Variants in KDM2A observed in about 807,000 individuals in gnomAD.
The protein encoded by KDM2A is lysine-specific demethylase 2A.
In KDM2A, 3 loss-of-function variants were observed where a neutral mutation model predicts 137.3. The observed-to-expected ratio is 0.02, with a 90% CI of 0.01 to 0.06. The LOEUF is 0.06. KDM2A is among the 10% of genes least tolerant of loss of function. The pLI is 1.00. For synonymous variants in KDM2A, 512 were observed against 541.5 expected, an observed-to-expected ratio of 0.95 and a Z score of 0.76; for missense variants, 738 against 1,510.6, an observed-to-expected ratio of 0.49 and a Z score of 8.48.
chr11:67,225,638 C>T (rs897249058), intron 10 of KDM2A, among the ~76,000 whole-genome samples: 3 of 152,074 alleles, frequency 2.0e-5, no homozygotes, highest in Non-Finnish European at 2.9e-5. Context: ...GGTGTGGTGG[C>T]GCATGCCTGT....
chr11:67,174,783 T>C (rs569433422), intron 2 of KDM2A, among the ~76,000 whole-genome samples: 1 of 152,352 alleles, frequency 6.6e-6, no homozygotes, highest in African/African-American at 2.4e-5. Flanking sequence ...CTAAGTAGAA[T>C]AAAGTAATTT....
chr11:67,135,073 T>C (rs999973447), intron 2 of KDM2A, among the ~76,000 whole-genome samples: 13 of 152,088 alleles, frequency 8.5e-5, no homozygotes, highest in African/African-American at 1.4e-4. Context: ...TTTTCTTTTT[T>C]TTTTTTCCCC....
intron 2 of KDM2A, among the ~76,000 whole-genome samples, chr11:67,162,930 A>G (rs1565383964): frequency 6.6e-6 from 1 of 151,748 alleles, no homozygotes. Context: ...CAAGCAGGTC[A>G]AACTCCTGGC....
chr11:67,204,699 G>A (rs966443652), intron 5 of KDM2A, among the ~76,000 whole-genome samples: 1 of 151,914 alleles, frequency 6.6e-6, no homozygotes, highest in Admixed American at 6.6e-5. Context: ...CACCGTGATA[G>A]CCAGGATGGT....
chr11:67,242,704 T>C (rs940799309), intron 12 of KDM2A, among the ~76,000 whole-genome samples: 1 of 152,148 alleles, frequency 6.6e-6, no homozygotes. Flanking sequence ...TGGGTCTTGC[T>C]GTGTTTCCCA....
At chr11:67,169,763 T>C (rs200176527) in intron 2 of KDM2A, among the ~76,000 whole-genome samples, 13 of 62,142 alleles carry the variant, frequency 2.1e-4, no homozygotes, top group Admixed American at 7.6e-4. Flanking sequence ...CTCTCTCTTT[T>C]TTTTTTTTTT....
At position 67,228,020 on chromosome 11, in the gene KDM2A, A is replaced by G. The variant is rs1340765152; in HGVS notation, c.958-17A>G. 3.1e-6 allele frequency: 5 copies of G among 1,606,920 alleles called. No individual in the cohort carries two copies. Among genetic ancestry groups the G allele is most frequent in the African/African-American group, 2.7e-5 (2 of 74,684 alleles). On this transcript the variant is annotated splice_polypyrimidine_tract_variant and intron_variant, in intron 10 of 20. Coordinates refer to ENST00000529006, the MANE Select transcript of KDM2A (RefSeq NM_012308.3). ...CCTTGAAAATCGTCATCTTTTCTCT[A>G]TTTTATTCCTCTGTAGGTTCCAAAT...
intron 10 of KDM2A, among the ~76,000 whole-genome samples, chr11:67,220,354 TCTCTTGAGC>T (rs942716938): frequency 6.6e-6 from 1 of 152,142 alleles, no homozygotes; most frequent in Non-Finnish European, 1.5e-5. Context: ...CCTCTGGTAA[TCTCTTGAGC>T]CATGTGTTTC....
Position 67,246,099 on chromosome 11 carries a change from C to A in KDM2A, c.1948C>A (p.His650Asn). The change falls in exon 15 of 21, where the codon CAT becomes AAT. Residue 650 changes from histidine to asparagine, a missense_variant. His to Asn is a moderately conservative substitution (Grantham distance 68). This residue lies in a region of KDM2A where 20 missense variants were observed against 62.3 expected (regional missense o/e 0.32). Transcript: ENST00000529006. Reference sequence around the variant, plus strand: ...ATGCTGTATCTGCAATGAGATTGTTCATCCTGGCTGCCTCCAGGTGAGGAG... The same window carrying A: ...ATGCTGTATCTGCAATGAGATTGTTAATCCTGGCTGCCTCCAGGTGAGGAG... ...MECCICNEIV[H>N]PGCLQMDGEG... 1.2e-6 allele frequency: 2 copies of A among 1,613,836 alleles called. No individual in the cohort carries two copies. The highest frequency in any genetic ancestry group is 2.2e-5 in the South Asian group (2 of 91,010).
Position 67,161,967 on chromosome 11 carries a change from T to A in KDM2A, c.43-18112T>A, listed in dbSNP as rs561856729. On this transcript the variant is annotated intron_variant, in intron 2 of 20. Coordinates refer to ENST00000529006, the MANE Select transcript of KDM2A (RefSeq NM_012308.3). ...TTCAGAGATTCAACTCAGTTTTCAG[T>A]ATTTATATTATGCTCTTAGTAGTTG... Among the ~76,000 whole-genome samples the A allele has an allele frequency of 4.6e-5, 7 of 152,262 alleles. No individual in the cohort carries two copies. The South Asian group carries it at 1.4e-3, about 32-fold the overall frequency.
chr11:67,137,613 G>A (rs1413060889), intron 2 of KDM2A, among the ~76,000 whole-genome samples: 2 of 152,140 alleles, frequency 1.3e-5, no homozygotes, highest in East Asian at 1.9e-4. Context: ...TTATAATACA[G>A]TTCTTTTATT....
intron 2 of KDM2A, among the ~76,000 whole-genome samples, chr11:67,127,120 C>T (rs1437722037): frequency 6.6e-6 from 1 of 152,110 alleles, no homozygotes; most frequent in Non-Finnish European, 1.5e-5. Context: ...TTTTTGGAGA[C>T]AGGGTCTCAC....
chr11:67,224,440 G>A (rs539539217), intron 10 of KDM2A, among the ~76,000 whole-genome samples: 23 of 147,382 alleles, frequency 1.6e-4, no homozygotes, highest in Middle Eastern at 3.6e-3. Flanking sequence ...GACCCTGTCC[G>A]TACCAAAAAT....
chr11:67,158,031 T>C (rs1191779440), intron 2 of KDM2A, among the ~76,000 whole-genome samples: 2 of 152,072 alleles, frequency 1.3e-5, no homozygotes, highest in African/African-American at 2.4e-5. Flanking sequence ...TTTTGACAAA[T>C]TATCCACCAT....
intron 2 of KDM2A, among the ~76,000 whole-genome samples, chr11:67,145,976 GTTTTTTGTTTTGTTT>G (rs961033708): frequency 7.1e-6 from 1 of 141,716 alleles, no homozygotes; most frequent in South Asian, 2.2e-4. Flanking sequence ...TGTTCTTCCC[GTTTTTTGTTTTGTTT>G]TTTTTTGTTT....
chr11:67,232,732 G>A (rs1405532801), intron 12 of KDM2A, among the ~76,000 whole-genome samples: 2 of 150,120 alleles, frequency 1.3e-5, no homozygotes, highest in Non-Finnish European at 3.0e-5. Flanking sequence ...ATTTGAGACG[G>A]AGTCTCACTC....
chr11:67,185,828 G>A (rs993064119), intron 5 of KDM2A, among the ~76,000 whole-genome samples: 5 of 151,770 alleles, frequency 3.3e-5, no homozygotes, highest in Admixed American at 6.6e-5. Flanking sequence ...TTACTGTCTC[G>A]CTTTTCACCA....
intron 2 of KDM2A, among the ~76,000 whole-genome samples, chr11:67,142,846 A>G (rs1311227252): frequency 6.6e-6 from 1 of 151,992 alleles, no homozygotes; most frequent in Non-Finnish European, 1.5e-5. Context: ...AGATTATATG[A>G]AGTAAATAGT....
rs182671561 is a variant in KDM2A at position 67,181,513 on chromosome 11, A to G, written c.260+115A>G. 3.6e-3 allele frequency: 2,467 copies of G among 677,456 alleles called. 70 individuals are homozygous for G. Among genetic ancestry groups the G allele is most frequent in the Non-Finnish European group, 3.2e-4 (127 of 402,556 alleles). 42.0% of individuals were successfully genotyped at this position (677,456 alleles called of 1,614,324 possible). A position where few individuals can be genotyped will look rare whatever the true frequency, so the allele number is the denominator to read the frequency against. ...CAATAGTAATTGAAAATAATTTCCC[A>G]CTTTGTTTTAAAAGTATATGCTTTT... is the stretch of plus-strand genomic sequence containing the variant. On this transcript the variant is annotated intron_variant, in intron 4 of 20. Transcript: ENST00000529006.
Sources: allele counts gnomAD v4.1 joint callset (sites outside exome capture counted in the v4.1 genomes callset), GRCh38; gene constraint gnomAD v4.1.1; regional missense constraint gnomAD v4.1.1; transcripts MANE v1.5; gene names NCBI Gene and HGNC (gene_info 2026-07-23, HGNC 2026-07-21).